Variants in TNRC6B observed in about 807,000 individuals in gnomAD.
TNRC6B encodes the protein trinucleotide repeat containing adaptor 6B.
In TNRC6B, 52 loss-of-function variants were observed where a neutral mutation model predicts 203.6. The observed-to-expected ratio is 0.26, with a 90% CI of 0.20 to 0.32. The LOEUF (loss-of-function observed/expected upper bound fraction) is 0.32. Among genes scored for constraint, TNRC6B ranks in the 10% least tolerant of loss-of-function variants. The pLI, the probability that TNRC6B is intolerant of heterozygous loss-of-function variation, is 1.00. For missense variants in TNRC6B, 1,923 were observed against 2,286.2 expected (o/e 0.84, Z 3.24); for synonymous variants, 838 against 845.7 (o/e 0.99, Z 0.16).
chr22:40,054,918 T>A (rs185856208), intron 1 of TNRC6B, among the ~76,000 whole-genome samples: 108 of 151,136 alleles, frequency 7.1e-4, no homozygotes, highest in Middle Eastern at 3.4e-3. Context: ...GCGCCAGTAG[T>A]CCCAGCTACT....
rs1168248038 is a variant in TNRC6B at position 40,080,888 on chromosome 22, G to A, written c.-121+35890G>A. On this transcript the variant is annotated intron_variant, in intron 1 of 23. Coordinates refer to the TNRC6B transcript ENST00000301923. ...TTTTCTTTTTTTGAGGCAGAGTCTC[G>A]CCGTGACACCCAGGCTGGAGTGCAG... 4.8e-5 allele frequency among the ~76,000 whole-genome samples: 7 copies of A among 145,896 alleles called. No individual in the cohort carries two copies. The East Asian group carries it at 1.2e-3, about 25-fold the overall frequency.
chr22:40,278,046 T>TGTGTATCACTCCGCTGAAAAGAATGGA lies in TNRC6B; in HGVS notation c.3262+5_3262+31dup. 1.3e-6 allele frequency: 2 copies of TGTGTATCACTCCGCTGAAAAGAATGGA among 1,560,230 alleles called. No individual in the cohort carries two copies. The highest frequency in any genetic ancestry group is 1.7e-6 in the Non-Finnish European group (2 of 1,149,960). On this transcript the variant is annotated splice_region_variant and intron_variant, in intron 9 of 22. Coordinates refer to ENST00000454349, the MANE Select transcript of TNRC6B (RefSeq NM_001162501.2). Reference sequence around the variant, plus strand: ...GCAGCAAAATGGATTTGTCTGTAGGTGTGTATCACTCCGCTGAAAAGAATG... The same window carrying TGTGTATCACTCCGCTGAAAAGAATGGA: ...GCAGCAAAATGGATTTGTCTGTAGGTGTGTATCACTCCGCTGAAAAGAATGGAGTGTATCACTCCGCTGAAAAGAATG...
rs560477800 is a variant in TNRC6B, at chr22:40,085,975, A to C, written c.-120-31080A>C. Reference sequence around the variant, plus strand: ...AGCCTAAACCTCCCGGGCTCAGGTGATCCTCCCACCTCAGCCCCTCTAGTA... The same window carrying C: ...AGCCTAAACCTCCCGGGCTCAGGTGCTCCTCCCACCTCAGCCCCTCTAGTA... On this transcript the variant is annotated intron_variant, in intron 1 of 23. Transcript: ENST00000301923. Among the ~76,000 whole-genome samples the C allele has an allele frequency of 2.6e-5, 4 of 152,074 alleles. No individual in the cohort carries two copies. In the South Asian group the frequency reaches 8.3e-4, roughly 32 times the overall value.
intron 1 of TNRC6B, among the ~76,000 whole-genome samples, chr22:40,096,756 AT>A (rs1289791452): frequency 6.6e-6 from 1 of 152,206 alleles, no homozygotes. Context: ...ATAATGTTAG[AT>A]TTTGGCTTTT....
intron 1 of TNRC6B, among the ~76,000 whole-genome samples, chr22:40,114,623 C>T (rs911797734): frequency 1.3e-5 from 2 of 152,136 alleles, no homozygotes; most frequent in African/African-American, 4.8e-5. Flanking sequence ...CCACCACGCC[C>T]GGCCTAGAGG....
At chr22:40,156,912 C>G (rs924366639) in intron 4 of TNRC6B, among the ~76,000 whole-genome samples, 1 of 151,066 alleles carries the variant, frequency 6.6e-6, no homozygotes, top group African/African-American at 2.4e-5. Context: ...GTGGCGGGGA[C>G]TACAGTTGCC....
rs193159841 is a variant in TNRC6B, at chr22:40,149,524, G to A, written c.46-6591G>A. ...TCTACTAAAAATACAAAAAAAATTC[G>A]CCAGGCGTGGTGGCACACACCTGTA... On this transcript the variant is annotated intron_variant, in intron 3 of 23. Coordinates refer to the TNRC6B transcript ENST00000301923. 1.4e-4 allele frequency among the ~76,000 whole-genome samples: 22 copies of A among 151,954 alleles called. No homozygotes were observed. In the East Asian group the frequency reaches 3.1e-3, roughly 21 times the overall value.
Position 40,059,815 on chromosome 22 carries a change from G to GTTTTT in TNRC6B, c.-121+14833_-121+14837dup, listed in dbSNP as rs764365612. 4.0e-5 allele frequency among the ~76,000 whole-genome samples: 5 copies of GTTTTT among 126,162 alleles called. 1 individual carries two copies. The highest frequency in any genetic ancestry group is 8.8e-5 in the African/African-American group (3 of 33,992). The allele number at this position is 126,162 out of a possible 152,430, so 82.8% of individuals were successfully genotyped here. ...GCCCCATTGGTCATGATAGAGTTTGGTTTTTTTTTTTTTTTTTTTTCCCCC... is the reference window on the plus strand; with the variant it reads ...GCCCCATTGGTCATGATAGAGTTTGGTTTTTTTTTTTTTTTTTTTTTTTTTCCCCC... On this transcript the variant is annotated intron_variant, in intron 1 of 23. Coordinates refer to the TNRC6B transcript ENST00000301923.
At chr22:40,276,380 C>T (rs891713757) in intron 7 of TNRC6B, among the ~76,000 whole-genome samples, 2 of 152,068 alleles carry the variant, frequency 1.3e-5, no homozygotes, top group East Asian at 1.9e-4. Context: ...AGAATTTTCA[C>T]CTGTGAAATA....
At chr22:40,222,843 T>C (rs1187660779) in intron 1 of TNRC6B, among the ~76,000 whole-genome samples, 1 of 140,054 alleles carries the variant, frequency 7.1e-6, no homozygotes, top group East Asian at 2.4e-4. Context: ...CCTCCCAGGC[T>C]CAGGCAATCC....
intron 1 of TNRC6B, among the ~76,000 whole-genome samples, chr22:40,093,109 A>G (rs2068162115): frequency 6.6e-6 from 1 of 152,254 alleles, no homozygotes; most frequent in Non-Finnish European, 1.5e-5. Context: ...GATAAATACA[A>G]TTTTTATCAA....
At chr22:40,126,381 G>A (rs2068493190) in intron 3 of TNRC6B, among the ~76,000 whole-genome samples, 1 of 151,856 alleles carries the variant, frequency 6.6e-6, no homozygotes, top group South Asian at 2.1e-4. Flanking sequence ...GCTTGTCTTT[G>A]AACCCTTGTT....
intron 1 of TNRC6B, among the ~76,000 whole-genome samples, chr22:40,087,755 G>A (rs769889423): frequency 1.6e-4 from 24 of 152,296 alleles, no homozygotes; most frequent in Non-Finnish European, 2.8e-4. Flanking sequence ...AGCCTTGGGG[G>A]ACCTGGGAAT....
Position 40,323,398 on chromosome 22 carries a change from G to A in TNRC6B, c.*157G>A. ...AAGGTGGGTCATTGACAGACTGTCTGAGCACATAGTTGCCTCCCTTATAAC... is the reference window on the plus strand; with the variant it reads ...AAGGTGGGTCATTGACAGACTGTCTAAGCACATAGTTGCCTCCCTTATAAC... On this transcript the variant is annotated 3_prime_UTR_variant, in exon 23 of 23. Coordinates refer to ENST00000454349, the MANE Select transcript of TNRC6B (RefSeq NM_001162501.2). The A allele has an allele frequency of 2.2e-6, 2 of 902,626 alleles. No individual in the cohort carries two copies. The highest frequency in any genetic ancestry group is 3.2e-6 in the Non-Finnish European group (2 of 624,890). The allele number at this position is 902,626 out of a possible 1,614,324, so 55.9% of individuals were successfully genotyped here.
At chr22:40,288,970 C>G (rs112214319) in intron 12 of TNRC6B, among the ~76,000 whole-genome samples, 1 of 150,830 alleles carries the variant, frequency 6.6e-6, no homozygotes, top group African/African-American at 2.4e-5. Context: ...TGCGCCACCA[C>G]GCCTGGCTAA....
At chr22:40,222,349 G>A (rs1330901393) in intron 1 of TNRC6B, among the ~76,000 whole-genome samples, 5 of 152,180 alleles carry the variant, frequency 3.3e-5, no homozygotes, top group Non-Finnish European at 4.4e-5. Context: ...AAGTTTTGTG[G>A]CTATTTGAAG....
chr22:40,113,088 C>CA (rs2068354514), intron 1 of TNRC6B, among the ~76,000 whole-genome samples: 1 of 152,078 alleles, frequency 6.6e-6, no homozygotes. Flanking sequence ...GCCTGGGCGA[C>CA]AGAGCAAGAC....
Position 40,328,494 on chromosome 22 carries a change from G to A in TNRC6B, c.*5253G>A, listed in dbSNP as rs2071428954. 6.6e-6 allele frequency: 1 copy of A among 152,136 alleles called. No individual in the cohort carries two copies. The highest frequency in any genetic ancestry group is 1.5e-5 in the Non-Finnish European group (1 of 68,026). The allele number at this position is 152,136 out of a possible 1,614,324, so 9.4% of individuals were successfully genotyped here. ...TCTCGCAGAAACTAGAAGCTCATAG[G>A]CTGTTAACTTTTTGCAACTATTCAC... On this transcript the variant is annotated 3_prime_UTR_variant, in exon 23 of 23. Transcript: ENST00000454349.
chr22:40,305,027 A>G (rs775262927), intron 15 of TNRC6B, among the ~76,000 whole-genome samples: 1 of 152,192 alleles, frequency 6.6e-6, no homozygotes, highest in Non-Finnish European at 1.5e-5. Context: ...GTAAACAGAG[A>G]GAGTGAAGGC....
Sources: gnomAD v4.1 joint callset for allele counts (sites outside exome capture counted in the v4.1 genomes callset) on GRCh38, gnomAD v4.1.1 for gene constraint, MANE v1.5 for transcripts, NCBI Gene and HGNC (gene_info 2026-07-23, HGNC 2026-07-21) for gene names.